The following ZFP64 variants were observed in gnomAD, a reference collection of about 807,000 sequenced individuals.
ZFP64 encodes the protein ZFP64 zinc finger protein.
In ZFP64, 14 loss-of-function variants were observed where a neutral mutation model predicts 51.6. The observed-to-expected ratio is 0.27, with a 90% confidence interval of 0.18 to 0.42. The LOEUF is 0.42. ZFP64 is among the 10% of genes least tolerant of loss of function. The probability of loss-of-function intolerance (pLI) is 1.00; values close to 1 mark genes in which losing one functional copy is unlikely to be tolerated. For synonymous variants in ZFP64, 375 were observed against 361.4 expected (o/e 1.04, Z -0.43); for missense variants, 754 against 906.8 (o/e 0.83, Z 2.16).
Position 52,153,533 on chromosome 20 carries a change from A to C in ZFP64, c.764-105T>G. 4.8e-6 allele frequency: 7 copies of C among 1,450,686 alleles called. No homozygotes were observed. The highest frequency in any genetic ancestry group is 5.5e-6 in the Non-Finnish European group (6 of 1,097,560). The allele number at this position is 1,450,686 out of a possible 1,614,324, so 89.9% of individuals were successfully genotyped here. A position where few individuals can be genotyped will look rare whatever the true frequency, so the allele number is the denominator to read the frequency against. The stretch of plus-strand genomic sequence containing the variant: ...TCGCTTATACAAGGTGGGTGGGTGC[A>C]GACCTCCTAACTGCAGCTTCTAGCA... On this transcript the variant is annotated intron_variant, in intron 5 of 5. Coordinates refer to ENST00000216923, the MANE Select transcript of ZFP64 (RefSeq NM_018197.3). This position sits in a 1 kb window ranked among gnomAD's most constrained non-coding sequence, Gnocchi z 5.1.
chr20:52,110,465 A>G (rs1335378191), intron 5 of ZFP64: 3 of 657,082 alleles, frequency 4.6e-6, no homozygotes, highest in Non-Finnish European at 8.3e-6. Flanking sequence ...GATCCATGTC[A>G]TCTCTATGCT....
chr20:52,171,692 G>A (rs1982746021), intron 2 of ZFP64, among the ~76,000 whole-genome samples: 1 of 151,098 alleles, frequency 6.6e-6, no homozygotes, highest in South Asian at 2.1e-4. Flanking sequence ...GTTTCACCAT[G>A]TTGGCCAGGC....
intron 5 of ZFP64, among the ~76,000 whole-genome samples, chr20:52,102,218 T>C (rs548040791): frequency 1.3e-5 from 2 of 152,070 alleles, no homozygotes; most frequent in South Asian, 4.2e-4. Flanking sequence ...ACATTACAAT[T>C]TGAGAAGCAC....
At chr20:52,139,629 C>A (rs770371641) in intron 5 of ZFP64, among the ~76,000 whole-genome samples, 5 of 151,992 alleles carry the variant, frequency 3.3e-5, no homozygotes, top group Admixed American at 1.3e-4. Flanking sequence ...AAAACCTGCA[C>A]ATGTACCCCC....
At chr20:52,183,198 G>A (rs1037796971) in intron 2 of ZFP64, among the ~76,000 whole-genome samples, 1 of 152,130 alleles carries the variant, frequency 6.6e-6, no homozygotes, top group African/African-American at 2.4e-5. Context: ...TGTGAAGATT[G>A]TCATGAAACT....
downstream of ZFP64, among the ~76,000 whole-genome samples, chr20:52,148,725 A>G (rs1459704014): frequency 6.6e-6 from 1 of 151,448 alleles, no homozygotes; most frequent in Admixed American, 6.6e-5. Context: ...AAAAAAAAGA[A>G]TTCTGGCTGC....
At chr20:52,116,416 G>A (rs749686769) in intron 5 of ZFP64, among the ~76,000 whole-genome samples, 1 of 151,012 alleles carries the variant, frequency 6.6e-6, no homozygotes, top group East Asian at 1.9e-4. Context: ...GATTACAGGC[G>A]TGAGCCACTG....
chr20:52,153,735 A>G lies in ZFP64; in HGVS notation c.764-307T>C, dbSNP rs1391735444. 6.6e-6 allele frequency among the ~76,000 whole-genome samples: 1 copy of G among 152,204 alleles called. No individual in the cohort carries two copies. The highest frequency in any genetic ancestry group is 1.5e-5 in the Non-Finnish European group (1 of 68,022). On this transcript the variant is annotated intron_variant, in intron 5 of 5. Coordinates refer to ENST00000216923, the MANE Select transcript of ZFP64 (RefSeq NM_018197.3). The surrounding 1 kb of genome is among the most constrained non-coding windows in gnomAD (Gnocchi z 5.1). ...TTATATTCTTTAAAACACTCAAACT[A>G]TCTTTCATACAGTTAATTTGCCCAC... is the stretch of plus-strand genomic sequence containing the variant.
At chr20:52,159,099 TGTGGTTAAGC>T (rs1981562309) in intron 5 of ZFP64, among the ~76,000 whole-genome samples, 1 of 152,168 alleles carries the variant, frequency 6.6e-6, no homozygotes, top group Non-Finnish European at 1.5e-5. Context: ...TCCCCACACA[TGTGGTTAAGC>T]CAAGCCAAGA....
Position 52,152,973 on chromosome 20 carries a change from C to T in ZFP64, c.1219G>A (p.Asp407Asn). ...MVKTEALERK[D>N]TGRQSSRQVA... Reference sequence around the variant, plus strand: ...TGCCGGCTGCTCTGCCTGCCGGTGTCCTTCCTCTCTAGAGCCTCAGTCTTA... The same window carrying T: ...TGCCGGCTGCTCTGCCTGCCGGTGTTCTTCCTCTCTAGAGCCTCAGTCTTA... The change falls in exon 6 of 6, where the codon GAC becomes AAC. Residue 407 changes from aspartate to asparagine, a missense_variant. By Grantham distance (23) the Asp-to-Asn change is conservative. This residue lies in a region of ZFP64 where 428 missense variants were observed against 472.4 expected (regional missense o/e 0.91). Transcript: ENST00000216923. 1 of 1,613,866 alleles carries T rather than the reference C, an allele frequency of 6.2e-7. No individual in the cohort carries two copies. Among genetic ancestry groups the T allele is most frequent in the Non-Finnish European group, 8.5e-7 (1 of 1,180,038 alleles).
downstream of ZFP64, among the ~76,000 whole-genome samples, chr20:52,148,836 G>A (rs541122408): frequency 2.6e-5 from 4 of 152,278 alleles, no homozygotes; most frequent in Non-Finnish European, 4.4e-5. Context: ...GAAAACACAC[G>A]TGCCACAAAT....
intron 7 of ZFP64, chr20:52,097,357 C>G (rs1221203123): frequency 6.2e-7 from 1 of 1,610,996 alleles, no homozygotes; most frequent in African/African-American, 1.3e-5. Flanking sequence ...AGCTGTTGAA[C>G]AGAATGGATA....
At chr20:52,098,367 G>C in intron 6 of ZFP64, 4 of 1,581,638 alleles carry the variant, frequency 2.5e-6, no homozygotes, top group Non-Finnish European at 2.6e-6. Flanking sequence ...AGGCAGCTCA[G>C]AGATTCACGT....
chr20:52,162,234 G>T (rs1316140698), intron 4 of ZFP64, among the ~76,000 whole-genome samples: 2 of 151,948 alleles, frequency 1.3e-5, no homozygotes, highest in African/African-American at 2.4e-5. Context: ...GAAGGCGGAG[G>T]TTGCAGTGTG....
intron 5 of ZFP64, among the ~76,000 whole-genome samples, chr20:52,115,783 TTCTC>T (rs74996752): frequency 0.19 from 26,621 of 143,294 alleles, 2,441 homozygotes; most frequent in Non-Finnish European, 0.22. Flanking sequence ...GAACCTAAAT[TTCTC>T]TCTCTCTCTC....
chr20:52,110,333 A>G, intron 5 of ZFP64: 1 of 495,608 alleles, frequency 2.0e-6, no homozygotes, highest in Non-Finnish European at 3.6e-6. Context: ...GGAAAACCAT[A>G]GAGAGCCTTT....
At chr20:52,158,268 C>T (rs531272774) in intron 5 of ZFP64, among the ~76,000 whole-genome samples, 3 of 152,120 alleles carry the variant, frequency 2.0e-5, no homozygotes, top group Admixed American at 6.5e-5. Flanking sequence ...TGAAGAGAAA[C>T]CATATCCAGA....
chr20:52,145,911 GTTTTAC>G (rs888177149), intron 5 of ZFP64, among the ~76,000 whole-genome samples: 17 of 152,200 alleles, frequency 1.1e-4, no homozygotes, highest in Non-Finnish European at 2.1e-4. Flanking sequence ...TATTGTAACT[GTTTTAC>G]TTTATACATG....
chr20:52,158,390 G>A (rs537015983), intron 5 of ZFP64, among the ~76,000 whole-genome samples: 32 of 152,222 alleles, frequency 2.1e-4, no homozygotes, highest in Middle Eastern at 3.4e-3. Context: ...GGATAAAGGC[G>A]GACTGTGGTT....
Sources: allele counts gnomAD v4.1 joint callset (sites outside exome capture counted in the v4.1 genomes callset), GRCh38; gene constraint gnomAD v4.1.1; regional missense constraint gnomAD v4.1.1; non-coding constraint Gnocchi (gnomAD v3.1); transcripts MANE v1.5; gene names NCBI Gene and HGNC (gene_info 2026-07-23, HGNC 2026-07-21).